GAREM1: variants seen among roughly 807,000 people sequenced by gnomAD.
The protein encoded by GAREM1 is GRB2 associated regulator of MAPK1 subtype 1.
A neutral mutation model predicts 71.3 loss-of-function variants in GAREM1; 26 were observed. The ratio of observed to expected loss-of-function variants is 0.36; its 90% CI spans 0.27 to 0.51. GAREM1 has a LOEUF of 0.51. Among genes scored for constraint, GAREM1 ranks in the 20% least tolerant of loss-of-function variants. GAREM1 has a pLI of 0.95. For synonymous variants in GAREM1, 440 were observed against 433.2 expected (o/e 1.02, Z -0.20); for missense variants, 1,026 against 1,103.1 (o/e 0.93, Z 0.99).
intron 2 of GAREM1, among the ~76,000 whole-genome samples, chr18:32,312,430 G>C (rs1381840890): frequency 2.0e-5 from 3 of 152,146 alleles, no homozygotes; most frequent in African/African-American, 7.2e-5. Flanking sequence ...ACAGTGAAAT[G>C]AGGGCTGAAA....
chr18:32,323,997 AT>A (rs1294246536), intron 2 of GAREM1, among the ~76,000 whole-genome samples: 1 of 145,252 alleles, frequency 6.9e-6, no homozygotes, highest in Non-Finnish European at 1.5e-5. Flanking sequence ...AAATCGACCT[AT>A]GAAAATGACA....
At chr18:32,383,628 C>G (rs1423625323) in intron 2 of GAREM1, among the ~76,000 whole-genome samples, 1 of 152,204 alleles carries the variant, frequency 6.6e-6, no homozygotes. Flanking sequence ...AGTGTGGTCA[C>G]AGGCAGCTTG....
At chr18:32,459,076 T>G (rs924023776) in intron 1 of GAREM1, among the ~76,000 whole-genome samples, 18 of 152,242 alleles carry the variant, frequency 1.2e-4, no homozygotes, top group African/African-American at 4.3e-4. Context: ...ACAAAAGGTC[T>G]ATTTCCAAAG....
chr18:32,447,525 T>G (rs1340252456), intron 1 of GAREM1, among the ~76,000 whole-genome samples: 1 of 151,934 alleles, frequency 6.6e-6, no homozygotes, highest in Non-Finnish European at 1.5e-5. Flanking sequence ...CATATTAATA[T>G]TAATGCAACA....
chr18:32,322,382 A>G (rs2047437161), intron 2 of GAREM1, among the ~76,000 whole-genome samples: 1 of 152,208 alleles, frequency 6.6e-6, no homozygotes, highest in South Asian at 2.1e-4. Flanking sequence ...ATCCATCCAC[A>G]GCGGACTATA....
chr18:32,386,578 T>G (rs1217057433), intron 2 of GAREM1, among the ~76,000 whole-genome samples: 1 of 152,214 alleles, frequency 6.6e-6, no homozygotes, highest in Non-Finnish European at 1.5e-5. Flanking sequence ...CTGGAGTTTA[T>G]CTCAGATGCT....
At chr18:32,331,496 G>A (rs2047534944) in intron 2 of GAREM1, 1 of 152,182 alleles carries the variant, frequency 6.6e-6, no homozygotes, top group South Asian at 2.1e-4. Context: ...TATTAATCCT[G>A]TATATGACAT....
At chr18:32,400,098 G>A (rs2048298132) in intron 1 of GAREM1, among the ~76,000 whole-genome samples, 3 of 152,206 alleles carry the variant, frequency 2.0e-5, no homozygotes, top group Admixed American at 1.3e-4. Flanking sequence ...AATAAATGGT[G>A]CTGGGAAAAC....
At chr18:32,346,057 C>A (rs1397557675) in intron 2 of GAREM1, among the ~76,000 whole-genome samples, 6 of 152,004 alleles carry the variant, frequency 3.9e-5, no homozygotes, top group African/African-American at 1.4e-4. Context: ...TTGAATATAT[C>A]ACGTATAGTT....
chr18:32,414,481 T>C (rs1461693963), intron 1 of GAREM1, among the ~76,000 whole-genome samples: 4 of 151,964 alleles, frequency 2.6e-5, no homozygotes, highest in Non-Finnish European at 5.9e-5. Context: ...AAAACAAGTC[T>C]TAAAACATGC....
chr18:32,395,300 G>A (rs1599016473), intron 1 of GAREM1, among the ~76,000 whole-genome samples: 1 of 152,226 alleles, frequency 6.6e-6, no homozygotes, highest in Non-Finnish European at 1.5e-5. Flanking sequence ...AATATAACAA[G>A]CACTGTTCTG....
chr18:32,268,545 G>C lies in GAREM1; in HGVS notation c.1957C>G (p.Pro653Ala). 6.2e-7 allele frequency: 1 copy of C among 1,614,086 alleles called. No homozygotes were observed. The highest frequency in any genetic ancestry group is 1.6e-4 in the Middle Eastern group (1 of 6,062). ...GGTGTGCCTGGCGTCTTTTGTCTAG[G>C]GTAACTATAACTCCTGCTTGGATCC... ...LLDPSRSYSYPRQKTPGTPKR... is the reference protein window; with the variant it reads ...LLDPSRSYSYARQKTPGTPKR... Residue 653 changes from proline to alanine, a missense_variant, in exon 6 of 6, where the codon CCT becomes GCT. Physicochemically the swap from Pro to Ala is conservative, Grantham distance 27. Coordinates refer to ENST00000269209, the MANE Select transcript of GAREM1 (RefSeq NM_001242409.2).
chr18:32,322,444 T>C (rs180823905), intron 2 of GAREM1, among the ~76,000 whole-genome samples: 21 of 152,344 alleles, frequency 1.4e-4, no homozygotes, highest in Admixed American at 3.3e-4. Flanking sequence ...CACCAATCTA[T>C]TTATTTTCCA....
At chr18:32,356,912 T>G (rs571156812) in intron 2 of GAREM1, among the ~76,000 whole-genome samples, 1 of 152,312 alleles carries the variant, frequency 6.6e-6, no homozygotes, top group East Asian at 1.9e-4. Context: ...ACCATGGCAA[T>G]CAATGGCTTT....
chr18:32,435,516 T>C (rs16963360), intron 1 of GAREM1, among the ~76,000 whole-genome samples: 13,234 of 152,170 alleles, frequency 0.087, 649 homozygotes, highest in African/African-American at 0.14. Context: ...CACATTTGTC[T>C]GCAGAACATC....
At chr18:32,317,370 A>C (rs1193884963) in intron 2 of GAREM1, among the ~76,000 whole-genome samples, 2 of 144,484 alleles carry the variant, frequency 1.4e-5, no homozygotes, top group African/African-American at 5.2e-5. Context: ...GCATCACTGC[A>C]TTCCAGTGAG....
chr18:32,388,969 GTGAAGTATTAGGGGGA>G (rs1394607959), intron 2 of GAREM1, among the ~76,000 whole-genome samples: 1 of 152,170 alleles, frequency 6.6e-6, no homozygotes, highest in Admixed American at 6.5e-5. Context: ...GAAATACACA[GTGAAGTATTAGGGGGA>G]TGTATGCTGT....
intron 1 of GAREM1, among the ~76,000 whole-genome samples, chr18:32,411,867 C>T (rs549260561): frequency 2.0e-5 from 3 of 150,930 alleles, no homozygotes; most frequent in East Asian, 3.9e-4. Flanking sequence ...TAACTTTACA[C>T]AGCACATTAA....
At chr18:32,453,380 T>C (rs1258261920) in intron 1 of GAREM1, among the ~76,000 whole-genome samples, 3 of 152,118 alleles carry the variant, frequency 2.0e-5, no homozygotes, top group Admixed American at 2.0e-4. Context: ...ACAAACTGAA[T>C]GGCATCAAAC....
Sources: allele counts gnomAD v4.1 joint callset (sites outside exome capture counted in the v4.1 genomes callset), GRCh38; gene constraint gnomAD v4.1.1; transcripts MANE v1.5; gene names NCBI Gene and HGNC (gene_info 2026-07-23, HGNC 2026-07-21).